Variants in ACTL7B observed in about 807,000 individuals in gnomAD.
The protein encoded by ACTL7B is actin like 7B.
Under a neutral mutation model 17.5 loss-of-function variants are expected in ACTL7B, and 14 were observed. That is an observed-to-expected ratio of 0.80 (90% CI 0.53 to 1.25). ACTL7B has a LOEUF of 1.25. Ranked by LOEUF, ACTL7B falls within the 50% of genes most tolerant of loss-of-function variation. The pLI is 0.00. For synonymous variants in ACTL7B, 267 were observed against 252.4 expected (o/e 1.06, Z -0.55); for missense variants, 599 against 573.9 (o/e 1.04, Z -0.45).
Position 108,854,842 on chromosome 9 carries a change from GCA to G in ACTL7B, c.1087_1088del (p.Cys363ProfsTer12). On this transcript the variant is annotated frameshift_variant, in exon 1 of 1. Transcript: ENST00000374667. LOFTEE classifies it high-confidence loss of function. ...ERFQRELSLL[C>X]PGDSPAVAAA... ...CAGCCACTGCAGGGCTGTCCCCGGG[GCA>G]GAGGAGGCTCAGCTCCCTCTGGAAG... 6.3e-7 allele frequency: 1 copy of G among 1,583,982 alleles called. No homozygotes were observed. The highest frequency in any genetic ancestry group is 1.4e-5 in the African/African-American group (1 of 74,030).
At position 108,855,296 on chromosome 9, in the gene ACTL7B, C is replaced by T; in HGVS notation, c.635G>A (p.Gly212Asp). 6.2e-7 allele frequency: 1 copy of T among 1,601,082 alleles called. No homozygotes were observed. Among genetic ancestry groups the T allele is most frequent in the African/African-American group, 1.3e-5 (1 of 75,056 alleles). ...GCTGGTCAGGCCCGGCAGCACGTCG[C>T]CCTCGGATATGGGCACCACGTGCGA... is the stretch of plus-strand genomic sequence containing the variant. ...GVSHVVPISE[G>D]DVLPGLTSRA... is the part of the protein sequence containing the mutation. The change falls in exon 1 of 1, where the codon GGC (glycine) becomes GAC (aspartate). Residue 212 changes from glycine to aspartate, a missense_variant. Coordinates refer to ENST00000374667, the MANE Select transcript of ACTL7B (RefSeq NM_006686.4).
At position 108,854,723 on chromosome 9, in the gene ACTL7B, A is replaced by G. The variant is rs1287525594; in HGVS notation, c.1208T>C (p.Phe403Ser). The G allele has an allele frequency of 6.5e-7, 1 of 1,530,872 alleles. No homozygotes were observed. Among genetic ancestry groups the G allele is most frequent in the African/African-American group, 1.4e-5 (1 of 72,282 alleles). 94.8% of individuals were successfully genotyped at this position (1,530,872 alleles called of 1,614,324 possible). Residue 403 changes from phenylalanine to serine, a missense_variant, in exon 1 of 1, where the codon TTT becomes TCT. Phe to Ser is a radical substitution (Grantham distance 155, BLOSUM62 -2). Coordinates refer to ENST00000374667, the MANE Select transcript of ACTL7B (RefSeq NM_006686.4). The stretch of plus-strand genomic sequence containing the variant: ...GATGGCCACGCTGCCCCGCTCCTCA[A>G]ACTCTTCCTTGCTGACCCAGAGCTG... ...FQQLWVSKEE[F>S]EERGSVAIYS... is the part of the protein sequence containing the mutation.
At position 108,854,999 on chromosome 9, in the gene ACTL7B, G is replaced by GTGCTGCC; in HGVS notation, c.925_931dup (p.Thr311ArgfsTer67). 1 of 1,517,668 alleles carries GTGCTGCC rather than the reference G, an allele frequency of 6.6e-7. No homozygotes were observed. Among genetic ancestry groups the GTGCTGCC allele is most frequent in the Non-Finnish European group, 8.8e-7 (1 of 1,132,030 alleles). The allele number at this position is 1,517,668 out of a possible 1,614,324, so 94.0% of individuals were successfully genotyped here. ...TGTGAGCTCCGGGAGGCCCGGCTGGGTGCTGCCTGCCAGGGAGGGCTGGAA... is the reference window on the plus strand; with the variant it reads ...TGTGAGCTCCGGGAGGCCCGGCTGGGTGCTGCCTGCTGCCTGCCAGGGAGGGCTGGAA... On this transcript the variant is annotated frameshift_variant, in exon 1 of 1. Transcript: ENST00000374667. LOFTEE classifies it high-confidence loss of function.
At position 108,855,228 on chromosome 9, in the gene ACTL7B, G is replaced by C; in HGVS notation, c.703C>G (p.Gln235Glu). 6.3e-7 allele frequency: 1 copy of C among 1,595,508 alleles called. No homozygotes were observed. The highest frequency in any genetic ancestry group is 2.2e-5 in the East Asian group (1 of 44,698). Residue 235 changes from glutamine to glutamate, a missense_variant, in exon 1 of 1, where the codon CAG becomes GAG. Physicochemically the swap from Gln to Glu is conservative, Grantham distance 29. Transcript: ENST00000374667. ...AGGDLTNYLM[Q>E]LLNEAGHAFT... ...GCGTGGCCCGCCTCATTGAGCAGCTGCATCAGGTAGTTGGTGAGGTCACCC... is the reference window on the plus strand; with the variant it reads ...GCGTGGCCCGCCTCATTGAGCAGCTCCATCAGGTAGTTGGTGAGGTCACCC...
Position 108,855,308 on chromosome 9 carries a change from G to T in ACTL7B, c.623C>A (p.Pro208His). The T allele has an allele frequency of 6.2e-7, 1 of 1,603,068 alleles. No homozygotes were observed. Among genetic ancestry groups the T allele is most frequent in the Non-Finnish European group, 8.5e-7 (1 of 1,179,862 alleles). ...ESGHGVSHVV[P>H]ISEGDVLPGL... Reference sequence around the variant, plus strand: ...CGGCAGCACGTCGCCCTCGGATATGGGCACCACGTGCGAGACGCCGTGCCC... The same window carrying T: ...CGGCAGCACGTCGCCCTCGGATATGTGCACCACGTGCGAGACGCCGTGCCC... The change falls in exon 1 of 1, where the codon CCC (proline) becomes CAC (histidine). Residue 208 changes from proline (P) to histidine (H), a missense_variant. Coordinates refer to ENST00000374667, the MANE Select transcript of ACTL7B (RefSeq NM_006686.4).
Position 108,855,615 on chromosome 9 carries a change from C to T in ACTL7B, c.316G>A (p.Glu106Lys). 1 of 1,613,814 alleles carries T rather than the reference C, an allele frequency of 6.2e-7. No individual in the cohort carries two copies. The highest frequency in any genetic ancestry group is 8.5e-7 in the Non-Finnish European group (1 of 1,180,036). Residue 106 changes from glutamate (E) to lysine (K), a missense_variant, in exon 1 of 1, where the codon GAG (glutamate) becomes AAG (lysine). By Grantham distance (56) the Glu-to-Lys change is moderately conservative. Transcript: ENST00000374667. ...GGGTTCACCAGCTTGAGAGGCGCCT[C>T]CGTGTTGAGCAGCTCATGGCCCACT... ...TLVGHELLNT[E>K]APLKLVNPLK...
At position 108,855,129 on chromosome 9, in the gene ACTL7B, C is replaced by T. The variant is rs2118885759; in HGVS notation, c.802G>A (p.Glu268Lys). 1 of 1,610,088 alleles carries T rather than the reference C, an allele frequency of 6.2e-7. No homozygotes were observed. The highest frequency in any genetic ancestry group is 2.2e-5 in the East Asian group (1 of 44,852). Residue 268 changes from glutamate (E) to lysine (K), a missense_variant, in exon 1 of 1, where the codon GAG (glutamate) becomes AAG (lysine). Glu to Lys is a moderately conservative substitution (Grantham distance 56). Transcript: ENST00000374667. ...TCCTCCGGGACCAGGCCCAGCTCCTCCTCGGGCAGGAAGGCCGCATAGCAG... is the reference window on the plus strand; with the variant it reads ...TCCTCCGGGACCAGGCCCAGCTCCTTCTCGGGCAGGAAGGCCGCATAGCAG... ...KCCYAAFLPE[E>K]ELGLVPEELR...
In ACTL7B at chr9:108,855,891, G is replaced by A. The variant is rs574545860; in HGVS notation, c.40C>T (p.Gln14Ter). Reference protein sequence around the residue: ...RNSPMPLGTAQGDPGEAGTRP... With the variant: ...RNSPMPLGTA ...GTTCCTGCCTCTCCAGGGTCACCCT[G>A]AGCCGTGCCCAGGGGCATGGGGCTG... The change falls in exon 1 of 1, where the codon CAG (glutamine) becomes TAG (stop). Residue 14 changes from glutamine (Q) to a stop codon, truncating the protein, a stop_gained. Coordinates refer to ENST00000374667, the MANE Select transcript of ACTL7B (RefSeq NM_006686.4). LOFTEE classifies it low-confidence loss of function (END_TRUNC). 75 of 1,606,510 alleles carry A rather than the reference G, an allele frequency of 4.7e-5. No individual in the cohort carries two copies. In the South Asian group the frequency reaches 7.8e-4, roughly 17 times the overall value.
rs777105306 is a variant in ACTL7B at position 108,855,713 on chromosome 9, T to C, written c.218A>G (p.Tyr73Cys). ...CGYAGEPRPT[Y>C]FISSTVGKRC... ...TTTGCCCACGGTGGAGGAGATGAAG[T>C]AGGTGGGCCTCGGCTCTCCCGCGTA... The change falls in exon 1 of 1, where the codon TAC (tyrosine) becomes TGC (cysteine). Residue 73 changes from tyrosine (Y) to cysteine (C), a missense_variant. Coordinates refer to ENST00000374667, the MANE Select transcript of ACTL7B (RefSeq NM_006686.4). 2 of 1,610,060 alleles carry C rather than the reference T, an allele frequency of 1.2e-6. No individual in the cohort carries two copies. The highest frequency in any genetic ancestry group is 8.5e-7 in the Non-Finnish European group (1 of 1,179,984).
At position 108,854,883 on chromosome 9, in the gene ACTL7B, C is replaced by T. The variant is rs770411019; in HGVS notation, c.1048G>A (p.Gly350Ser). Residue 350 changes from glycine (G) to serine (S), a missense_variant, in exon 1 of 1, where the codon GGC becomes AGC. Transcript: ENST00000374667. ...LLCGGCTMLD[G>S]FPERFQRELS... The stretch of plus-strand genomic sequence containing the variant: ...TCCCTCTGGAAGCGCTCGGGGAAGC[C>T]ATCCAGCATAGTGCAGCCGCCACAC... 4 of 1,527,010 alleles carry T rather than the reference C, an allele frequency of 2.6e-6. No individual in the cohort carries two copies. The highest frequency in any genetic ancestry group is 2.6e-6 in the Non-Finnish European group (3 of 1,136,808). The allele number at this position is 1,527,010 out of a possible 1,614,324, so 94.6% of individuals were successfully genotyped here.
rs756415889 is a variant in ACTL7B, at chr9:108,855,502, C to A, written c.429G>T (p.Glu143Asp). 6.2e-7 allele frequency: 1 copy of A among 1,613,578 alleles called. No individual in the cohort carries two copies. Among genetic ancestry groups the A allele is most frequent in the South Asian group, 1.1e-5 (1 of 91,092 alleles). ...IFRTAMKILPEEHAVLVSDPP... is the reference protein window; with the variant it reads ...IFRTAMKILPDEHAVLVSDPP... The stretch of plus-strand genomic sequence containing the variant: ...GGTCGGAGACCAGCACAGCGTGCTC[C>A]TCGGGGAGGATCTTCATGGCGGTGC... Residue 143 changes from glutamate to aspartate, a missense_variant, in exon 1 of 1, where the codon GAG (glutamate) becomes GAT (aspartate). Coordinates refer to ENST00000374667, the MANE Select transcript of ACTL7B (RefSeq NM_006686.4).
rs1163563254 is a variant in ACTL7B at position 108,855,059 on chromosome 9, A to G, written c.872T>C (p.Ile291Thr). 2 of 1,557,628 alleles carry G rather than the reference A, an allele frequency of 1.3e-6. No homozygotes were observed. Among genetic ancestry groups the G allele is most frequent in the South Asian group, 1.2e-5 (1 of 81,156 alleles). ...YELPDGKLIT[I>T]GQERFRCSEM... Reference sequence around the variant, plus strand: ...AGAGCAACGGAAGCGCTCCTGGCCAATAGTGATGAGTTTGCCGTCCGGGAG... The same window carrying G: ...AGAGCAACGGAAGCGCTCCTGGCCAGTAGTGATGAGTTTGCCGTCCGGGAG... Residue 291 changes from isoleucine to threonine, a missense_variant, in exon 1 of 1, where the codon ATT becomes ACT. By Grantham distance (89) the Ile-to-Thr change is moderately conservative. Transcript: ENST00000374667.
rs1337191302 is a variant in ACTL7B at position 108,855,706 on chromosome 9, G to C, written c.225C>G (p.Ile75Met). The change falls in exon 1 of 1, where the codon ATC (isoleucine) becomes ATG (methionine). Residue 75 changes from isoleucine to methionine, a missense_variant. Physicochemically the swap from Ile to Met is conservative, Grantham distance 10 (BLOSUM62 1). Transcript: ENST00000374667. ...GGCAGCGTTTGCCCACGGTGGAGGA[G>C]ATGAAGTAGGTGGGCCTCGGCTCTC... ...YAGEPRPTYF[I>M]SSTVGKRCPE... The C allele has an allele frequency of 1.9e-6, 3 of 1,610,614 alleles. No homozygotes were observed. The highest frequency in any genetic ancestry group is 2.5e-6 in the Non-Finnish European group (3 of 1,180,012).
chr9:108,854,692 G>A lies in ACTL7B; in HGVS notation c.1239C>T (p.Ser413=), dbSNP rs1194064678. ...GTGGAAATGCCGAGGCTCAGCACTT[G>A]CTGTAGATGGCCACGCTGCCCCGCT... ...FEERGSVAIY[S]KC The change falls in exon 1 of 1, where the codon AGC becomes AGT. Residue 413 remains serine (S), a synonymous_variant. Coordinates refer to ENST00000374667, the MANE Select transcript of ACTL7B (RefSeq NM_006686.4). The A allele has an allele frequency of 6.6e-7, 1 of 1,508,098 alleles. No individual in the cohort carries two copies. Among genetic ancestry groups the A allele is most frequent in the Non-Finnish European group, 8.9e-7 (1 of 1,126,978 alleles). 93.4% of individuals were successfully genotyped at this position (1,508,098 alleles called of 1,614,324 possible). A position where few individuals can be genotyped will look rare whatever the true frequency, so the allele number is the denominator to read the frequency against.
In ACTL7B at chr9:108,855,305, A is replaced by G; in HGVS notation, c.626T>C (p.Ile209Thr). Residue 209 changes from isoleucine to threonine, a missense_variant, in exon 1 of 1, where the codon ATA becomes ACA. Ile to Thr is a moderately conservative substitution (Grantham distance 89). Coordinates refer to ENST00000374667, the MANE Select transcript of ACTL7B (RefSeq NM_006686.4). ...GCCCGGCAGCACGTCGCCCTCGGATATGGGCACCACGTGCGAGACGCCGTG... is the reference window on the plus strand; with the variant it reads ...GCCCGGCAGCACGTCGCCCTCGGATGTGGGCACCACGTGCGAGACGCCGTG... ...SGHGVSHVVP[I>T]SEGDVLPGLT... 3 of 1,602,868 alleles carry G rather than the reference A, an allele frequency of 1.9e-6. No homozygotes were observed. The highest frequency in any genetic ancestry group is 2.5e-6 in the Non-Finnish European group (3 of 1,179,814).
At position 108,854,713 on chromosome 9, in the gene ACTL7B, C is replaced by A. The variant is rs762880009; in HGVS notation, c.1218G>T (p.Arg406=). The A allele has an allele frequency of 6.6e-7, 1 of 1,524,528 alleles. No homozygotes were observed. The highest frequency in any genetic ancestry group is 1.4e-5 in the African/African-American group (1 of 72,450). The allele number at this position is 1,524,528 out of a possible 1,614,324, so 94.4% of individuals were successfully genotyped here. ...LWVSKEEFEE[R]GSVAIYSKC is the part of the protein sequence containing the mutation. The stretch of plus-strand genomic sequence containing the variant: ...ACTTGCTGTAGATGGCCACGCTGCC[C>A]CGCTCCTCAAACTCTTCCTTGCTGA... Residue 406 remains arginine, a synonymous_variant, in exon 1 of 1, where the codon CGG becomes CGT. Transcript: ENST00000374667.
chr9:108,855,420 A>C lies in ACTL7B; in HGVS notation c.511T>G (p.Phe171Val). Reference sequence around the variant, plus strand: ...GTCACGTGCATGGCTGGGATGCCGAAGGTCTCAAACATGAGCTCCGCGTAC... The same window carrying C: ...GTCACGTGCATGGCTGGGATGCCGACGGTCTCAAACATGAGCTCCGCGTAC... Reference protein sequence around the residue: ...EKYAELMFETFGIPAMHVTSQ... With the variant: ...EKYAELMFETVGIPAMHVTSQ... Residue 171 changes from phenylalanine (F) to valine (V), a missense_variant, in exon 1 of 1, where the codon TTC (phenylalanine) becomes GTC (valine). Transcript: ENST00000374667. 1 of 1,613,346 alleles carries C rather than the reference A, an allele frequency of 6.2e-7. No homozygotes were observed. Among genetic ancestry groups the C allele is most frequent in the Non-Finnish European group, 8.5e-7 (1 of 1,179,900 alleles).
chr9:108,855,146 G>A lies in ACTL7B; in HGVS notation c.785C>T (p.Ala262Val). 6.2e-7 allele frequency: 1 copy of A among 1,610,924 alleles called. No individual in the cohort carries two copies. Among genetic ancestry groups the A allele is most frequent in the South Asian group, 1.1e-5 (1 of 90,778 alleles). Residue 262 changes from alanine (A) to valine (V), a missense_variant, in exon 1 of 1, where the codon GCG becomes GTG. Coordinates refer to ENST00000374667, the MANE Select transcript of ACTL7B (RefSeq NM_006686.4). The stretch of plus-strand genomic sequence containing the variant: ...CAGCTCCTCCTCGGGCAGGAAGGCC[G>A]CATAGCAGCACTTCTTCTTGATGTG... Reference protein sequence around the residue: ...IEHIKKKCCYAAFLPEEELGL... With the variant: ...IEHIKKKCCYVAFLPEEELGL...
In ACTL7B at chr9:108,855,827, G is replaced by T. The variant is rs773552541; in HGVS notation, c.104C>A (p.Ala35Glu). The T allele has an allele frequency of 1.2e-6, 2 of 1,611,256 alleles. No homozygotes were observed. Among genetic ancestry groups the T allele is most frequent in the Non-Finnish European group, 1.7e-6 (2 of 1,179,994 alleles). The stretch of plus-strand genomic sequence containing the variant: ...GGGCTTCATCTTGAGCTGAGTGGCC[G>T]CACCTGTGTCCCGGAGGCTGGCGTC... ...GPDASLRDTG[A>E]ATQLKMKPRK... Residue 35 changes from alanine to glutamate, a missense_variant, in exon 1 of 1, where the codon GCG becomes GAG. Coordinates refer to ENST00000374667, the MANE Select transcript of ACTL7B (RefSeq NM_006686.4).
Sources: allele counts gnomAD v4.1 joint callset, GRCh38; gene constraint gnomAD v4.1.1; transcripts MANE v1.5; gene names NCBI Gene and HGNC (gene_info 2026-07-23, HGNC 2026-07-21).